Variants in CREB5 observed in about 807,000 individuals in gnomAD.
CREB5 encodes the protein cAMP responsive element binding protein 5.
A neutral mutation model predicts 57.1 loss-of-function variants in CREB5; 19 were observed. That is an observed-to-expected ratio of 0.33 (90% CI 0.23 to 0.49). CREB5 has a LOEUF of 0.49. Ranked by LOEUF, CREB5 falls within the 20% of genes least tolerant of loss-of-function variation. CREB5 has a pLI of 0.99. For synonymous variants in CREB5, 238 were observed against 238.3 expected (o/e 1.00, Z 0.01); for missense variants, 579 against 671.6 (o/e 0.86, Z 1.52).
intron 5 of CREB5, among the ~76,000 whole-genome samples, chr7:28,705,154 G>A (rs796829372): frequency 1.1e-4 from 16 of 152,216 alleles, no homozygotes; most frequent in African/African-American, 3.9e-4. Flanking sequence ...CACGAGGTCA[G>A]GAGTTCAAGA....
At chr7:28,660,681 T>A (rs1045476138) in intron 5 of CREB5, among the ~76,000 whole-genome samples, 1 of 152,198 alleles carries the variant, frequency 6.6e-6, no homozygotes, top group Non-Finnish European at 1.5e-5. Flanking sequence ...CCTAAACTTA[T>A]TTAAATATGG....
intron 5 of CREB5, among the ~76,000 whole-genome samples, chr7:28,647,137 GA>G (rs1798919812): frequency 6.6e-6 from 1 of 151,636 alleles, no homozygotes; most frequent in Non-Finnish European, 1.5e-5. Context: ...CAAAGACGCA[GA>G]GATCAGAGTA....
At chr7:28,530,892 G>A (rs748546898) in intron 4 of CREB5, among the ~76,000 whole-genome samples, 3 of 152,154 alleles carry the variant, frequency 2.0e-5, no homozygotes, top group Non-Finnish European at 2.9e-5. Context: ...GATCTTCTGC[G>A]GGAAAAATAT....
chr7:28,561,054 T>G, intron 4 of CREB5, among the ~76,000 whole-genome samples: 1 of 145,222 alleles, frequency 6.9e-6, no homozygotes. Flanking sequence ...GAAGGTATTT[T>G]TCAGATTCAT....
intron 1 of CREB5, among the ~76,000 whole-genome samples, chr7:28,461,951 A>T (rs1174162764): frequency 6.6e-6 from 1 of 152,102 alleles, no homozygotes; most frequent in Non-Finnish European, 1.5e-5. Flanking sequence ...TAAAGTATAC[A>T]ATTTGGTGCA....
At chr7:28,479,192 A>G (rs139754959) in intron 1 of CREB5, among the ~76,000 whole-genome samples, 1,635 of 152,190 alleles carry the variant, frequency 0.011, 30 homozygotes, top group African/African-American at 0.036. Flanking sequence ...AGTTGTGGGT[A>G]CTTATACTCT....
chr7:28,639,715 A>G (rs1358021629), intron 5 of CREB5, among the ~76,000 whole-genome samples: 1 of 152,172 alleles, frequency 6.6e-6, no homozygotes, highest in Non-Finnish European at 1.5e-5. Flanking sequence ...CTTATCTGCT[A>G]TGTAGGAGAA....
chr7:28,762,587 A>G (rs1004218967), intron 7 of CREB5, among the ~76,000 whole-genome samples: 2 of 152,204 alleles, frequency 1.3e-5, no homozygotes, highest in Non-Finnish European at 2.9e-5. Flanking sequence ...ATCACCATGC[A>G]TGAGAACCTT....
intron 7 of CREB5, among the ~76,000 whole-genome samples, chr7:28,803,679 C>T (rs922401334): frequency 6.8e-6 from 1 of 147,488 alleles, no homozygotes; most frequent in Non-Finnish European, 1.5e-5. Flanking sequence ...TTGCTTGAAG[C>T]TGGGAGGCGG....
At chr7:28,700,228 G>A (rs893917478) in intron 5 of CREB5, among the ~76,000 whole-genome samples, 1 of 151,992 alleles carries the variant, frequency 6.6e-6, no homozygotes, top group Admixed American at 6.6e-5. Flanking sequence ...TCACACACGC[G>A]CACAAGCACA....
At chr7:28,461,695 C>T (rs573620230) in intron 1 of CREB5, among the ~76,000 whole-genome samples, 106 of 152,146 alleles carry the variant, frequency 7.0e-4, no homozygotes, top group African/African-American at 2.3e-3. Flanking sequence ...ATTAGTAAAA[C>T]GATTTCGTGA....
intron 1 of CREB5, among the ~76,000 whole-genome samples, chr7:28,426,226 T>C (rs891259635): frequency 2.0e-5 from 3 of 152,190 alleles, no homozygotes; most frequent in Admixed American, 2.0e-4. Context: ...TTACCCTTTT[T>C]TATAGCTAAG....
chr7:28,721,181 G>C (rs1406135444), intron 6 of CREB5, among the ~76,000 whole-genome samples: 1 of 152,144 alleles, frequency 6.6e-6, no homozygotes, highest in African/African-American at 2.4e-5. Context: ...GACTCCATTG[G>C]TTGTCACAAC....
intron 7 of CREB5, among the ~76,000 whole-genome samples, chr7:28,727,650 C>T (rs1036696557): frequency 1.3e-5 from 2 of 152,064 alleles, no homozygotes; most frequent in African/African-American, 4.8e-5. Flanking sequence ...TTTAAAGAAA[C>T]CAGTAACGAT....
intron 7 of CREB5, among the ~76,000 whole-genome samples, chr7:28,732,843 G>GTT (rs60106222): frequency 1.2e-3 from 163 of 141,492 alleles, no homozygotes; most frequent in Middle Eastern, 3.5e-3. Flanking sequence ...GTTTAGGGTT[G>GTT]TTTTTTTTTT....
intron 4 of CREB5, among the ~76,000 whole-genome samples, chr7:28,556,697 G>A (rs1298684992): frequency 6.6e-6 from 1 of 152,106 alleles, no homozygotes; most frequent in Non-Finnish European, 1.5e-5. Flanking sequence ...AGCCCATTCT[G>A]TCCCTTTTTG....
chr7:28,785,383 C>T (rs985871023), intron 7 of CREB5, among the ~76,000 whole-genome samples: 9 of 152,320 alleles, frequency 5.9e-5, no homozygotes, highest in African/African-American at 1.9e-4. Flanking sequence ...GCAGGGTTCT[C>T]GATTTGTTTG....
At chr7:28,426,624 C>T (rs928589179) in intron 1 of CREB5, among the ~76,000 whole-genome samples, 3 of 152,340 alleles carry the variant, frequency 2.0e-5, no homozygotes, top group South Asian at 2.1e-4. Flanking sequence ...CCTGTGAAAA[C>T]AGTACTCTCC....
intron 5 of CREB5, among the ~76,000 whole-genome samples, chr7:28,665,769 C>T (rs1047898888): frequency 6.6e-6 from 1 of 151,988 alleles, no homozygotes; most frequent in Non-Finnish European, 1.5e-5. Context: ...CCTTCAGCTG[C>T]TTGGGAGGCT....
Sources: gnomAD v4.1 joint callset for allele counts (sites outside exome capture counted in the v4.1 genomes callset) on GRCh38, gnomAD v4.1.1 for gene constraint, MANE v1.5 for transcripts, NCBI Gene and HGNC (gene_info 2026-07-23, HGNC 2026-07-21) for gene names.